Variants in SLC8A1 observed in about 807,000 individuals in gnomAD.
SLC8A1 encodes solute carrier family 8 member A1.
A neutral mutation model predicts 68.3 loss-of-function variants in SLC8A1; 18 were observed. The ratio of observed to expected loss-of-function variants is 0.26; its 90% CI spans 0.18 to 0.39. SLC8A1 has a LOEUF of 0.39. Ranked by LOEUF, SLC8A1 falls within the 10% of genes least tolerant of loss-of-function variation. The pLI is 1.00. For missense variants in SLC8A1, 985 were observed against 1,156.7 expected (o/e 0.85, Z 2.15); for synonymous variants, 475 against 415.5 (o/e 1.14, Z -1.74).
intron 2 of SLC8A1, among the ~76,000 whole-genome samples, chr2:40,346,515 C>T (rs1669359517): frequency 6.6e-6 from 1 of 152,126 alleles, no homozygotes; most frequent in Non-Finnish European, 1.5e-5. Flanking sequence ...TAGGACCATG[C>T]CGCCGTCAGA....
At chr2:40,449,181 C>CAA (rs5830628) in intron 1 of SLC8A1, among the ~76,000 whole-genome samples, 1,826 of 147,802 alleles carry the variant, frequency 0.012, 28 homozygotes, top group African/African-American at 0.033. Context: ...AAAACAACAA[C>CAA]AAAAAAAAAC....
chr2:40,496,893 G>A (rs1049736392), intron 1 of SLC8A1, among the ~76,000 whole-genome samples: 2 of 134,862 alleles, frequency 1.5e-5, no homozygotes, highest in African/African-American at 5.6e-5. Context: ...ATGGACACAG[G>A]AAGGGGAATA....
At chr2:40,461,394 C>T (rs1442770624) in intron 1 of SLC8A1, among the ~76,000 whole-genome samples, 1 of 152,142 alleles carries the variant, frequency 6.6e-6, no homozygotes, top group East Asian at 1.9e-4. Context: ...CGTGGATTTA[C>T]TGCTCCCACT....
At chr2:40,257,424 CTTT>C (rs560681453) in intron 2 of SLC8A1, among the ~76,000 whole-genome samples, 1 of 145,288 alleles carries the variant, frequency 6.9e-6, no homozygotes. Context: ...TGTTTACCAC[CTTT>C]TTTTTTTTTG....
At chr2:40,284,661 A>AATATATATAT in intron 2 of SLC8A1, among the ~76,000 whole-genome samples, 1 of 144,952 alleles carries the variant, frequency 6.9e-6, no homozygotes, top group African/African-American at 2.6e-5. Context: ...TATAAATATA[A>AATATATATAT]ATATATATAT....
At chr2:40,429,877 G>T (rs1247948671) in exon 2 of SLC8A1, 1 of 1,613,448 alleles carries the variant, frequency 6.2e-7, no homozygotes, top group Non-Finnish European at 8.5e-7. Context: ...GGTCAGGTTA[G>T]AAACTGTTTC....
At chr2:40,412,953 C>T (rs1692635224) in intron 2 of SLC8A1, among the ~76,000 whole-genome samples, 1 of 151,988 alleles carries the variant, frequency 6.6e-6, no homozygotes, top group African/African-American at 2.4e-5. Context: ...GCACAACGTG[C>T]AGGTTTGTTA....
intron 7 of SLC8A1, among the ~76,000 whole-genome samples, chr2:40,126,051 TA>T (rs991504430): frequency 4.6e-5 from 7 of 152,106 alleles, no homozygotes; most frequent in Admixed American, 4.6e-4. Context: ...GGAAGCTCCT[TA>T]GGGGTCAGAT....
intron 2 of SLC8A1, among the ~76,000 whole-genome samples, chr2:40,264,238 T>A (rs4952601): frequency 6.7e-6 from 1 of 148,332 alleles, no homozygotes; most frequent in East Asian, 1.9e-4. Context: ...AGGAACACTT[T>A]TACACTGTTG....
At chr2:40,121,466 G>A (rs573821244) in intron 7 of SLC8A1, among the ~76,000 whole-genome samples, 8 of 152,254 alleles carry the variant, frequency 5.3e-5, no homozygotes, top group Admixed American at 2.6e-4. Context: ...GTGGGTAGGC[G>A]TCACGGAGAT....
chr2:40,381,060 T>C (rs1681601052), intron 2 of SLC8A1, among the ~76,000 whole-genome samples: 1 of 152,076 alleles, frequency 6.6e-6, no homozygotes, highest in Non-Finnish European at 1.5e-5. Context: ...TCATTTCCTA[T>C]AGCAGAATGT....
rs75853250 is a variant in SLC8A1, at chr2:40,332,730, T to C, written c.1808+95743A>G. Among the ~76,000 whole-genome samples the C allele has an allele frequency of 4.5e-3, 693 of 152,348 alleles. 4 individuals are homozygous for C. Among genetic ancestry groups the C allele is most frequent in the African/African-American group, 0.016 (664 of 41,588 alleles). On this transcript the variant is annotated intron_variant, in intron 2 of 7. Transcript: ENST00000406785. ...TTAAAAATCCTGTGAAGTGAGTTTA[T>C]AATCCCTGACTACCAAAATTAACCA...
chr2:40,131,172 T>C (rs1203693146), intron 7 of SLC8A1, among the ~76,000 whole-genome samples: 1 of 152,198 alleles, frequency 6.6e-6, no homozygotes, highest in Non-Finnish European at 1.5e-5. Flanking sequence ...TTAGAGGAGT[T>C]AAGCAATTTG....
intron 6 of SLC8A1, among the ~76,000 whole-genome samples, chr2:40,143,836 G>A (rs982673974): frequency 6.6e-6 from 1 of 152,076 alleles, no homozygotes; most frequent in Non-Finnish European, 1.5e-5. Context: ...TTGAATTCAG[G>A]GAGAGCTCTG....
At chr2:40,382,430 G>T (rs1044354877) in intron 2 of SLC8A1, among the ~76,000 whole-genome samples, 4 of 151,992 alleles carry the variant, frequency 2.6e-5, no homozygotes, top group Admixed American at 2.0e-4. Flanking sequence ...CATCACTTTT[G>T]TTACCGTAAT....
chr2:40,462,001 C>CTTTTTTTTTTTTTTTTTTTTTTTTTTTTT lies in SLC8A1; in HGVS notation c.-24-31698_-24-31697insAAAAAAAAAAAAAAAAAAAAAAAAAAAAA, dbSNP rs370223854. ...CCTCTCATTTTAAAGTAAAATCCTC[C>CTTTTTTTTTTTTTTTTTTTTTTTTTTTTT]TTTTTTTTTTTTTTTTTTTTTTTGA... On this transcript the variant is annotated intron_variant, in intron 1 of 7. Coordinates refer to the SLC8A1 transcript ENST00000402441. 2.6e-3 allele frequency among the ~76,000 whole-genome samples: 174 copies of CTTTTTTTTTTTTTTTTTTTTTTTTTTTTT among 66,148 alleles called. 20 individuals are homozygous for CTTTTTTTTTTTTTTTTTTTTTTTTTTTTT. Among genetic ancestry groups the CTTTTTTTTTTTTTTTTTTTTTTTTTTTTT allele is most frequent in the Middle Eastern group, 0.012 (1 of 84 alleles). 43.4% of individuals were successfully genotyped at this position (66,148 alleles called of 152,430 possible).
chr2:40,166,068 T>G (rs1004190039), intron 4 of SLC8A1, among the ~76,000 whole-genome samples: 1 of 152,198 alleles, frequency 6.6e-6, no homozygotes, highest in African/African-American at 2.4e-5. Context: ...AGGGGGCTGT[T>G]GACTAAAAAG....
chr2:40,428,076 G>A lies in SLC8A1; in HGVS notation c.1808+397C>T, dbSNP rs562554456. Reference sequence around the variant, plus strand: ...TTCCCAATTTGTACTCAGAAACGAAGTTAGAGACCTATTGTGATGTTTTAA... The same window carrying A: ...TTCCCAATTTGTACTCAGAAACGAAATTAGAGACCTATTGTGATGTTTTAA... On this transcript the variant is annotated intron_variant, in intron 2 of 7. Coordinates refer to ENST00000406785, the Ensembl canonical transcript of SLC8A1. Among the ~76,000 whole-genome samples the A allele has an allele frequency of 1.4e-3, 217 of 152,174 alleles. 1 individual carries two copies. The highest frequency in any genetic ancestry group is 2.7e-3 in the Non-Finnish European group (184 of 67,998).
In SLC8A1 at chr2:40,500,506, A is replaced by C. The variant is rs905812693; in HGVS notation, c.-25+11843T>G. ...TAGTTGCTAGTTTGTTCATTCATAAAGTTATTTTTAGCCTGTGGTCCATCA... is the reference window on the plus strand; with the variant it reads ...TAGTTGCTAGTTTGTTCATTCATAACGTTATTTTTAGCCTGTGGTCCATCA... On this transcript the variant is annotated intron_variant, in intron 1 of 7. Transcript: ENST00000402441. 3.3e-5 allele frequency among the ~76,000 whole-genome samples: 5 copies of C among 152,098 alleles called. No individual in the cohort carries two copies. The East Asian group carries it at 9.7e-4, about 29-fold the overall frequency.
Sources: allele counts gnomAD v4.1 joint callset (sites outside exome capture counted in the v4.1 genomes callset), GRCh38; gene constraint gnomAD v4.1.1; transcripts MANE v1.5; gene names NCBI Gene and HGNC (gene_info 2026-07-23, HGNC 2026-07-21).